Variants in BCL2 observed in about 807,000 individuals in gnomAD.
BCL2 encodes BCL2 apoptosis regulator.
BCL2 carries 1 observed loss-of-function variant against 14.2 expected under a neutral mutation model. The ratio of observed to expected loss-of-function variants is 0.07; its 90% confidence interval spans 0.02 to 0.33. The LOEUF (loss-of-function observed/expected upper bound fraction) is 0.33, where lower values mean the gene tolerates loss of function less well. Among genes scored for constraint, BCL2 ranks in the 10% least tolerant of loss-of-function variants. The probability of loss-of-function intolerance (pLI) is 0.99; values close to 1 mark genes in which losing one functional copy is unlikely to be tolerated. For synonymous variants in BCL2, 151 were observed against 137.2 expected, an observed-to-expected ratio of 1.10 and a Z score of -0.70; for missense variants, 247 against 305.9, an observed-to-expected ratio of 0.81 and a Z score of 1.44.
chr18:63,286,342 A>G (rs1912473035), intron 2 of BCL2, among the ~76,000 whole-genome samples: 1 of 152,242 alleles, frequency 6.6e-6, no homozygotes, highest in South Asian at 2.1e-4. Context: ...TTATGATACA[A>G]AACCTATTGT....
chr18:63,225,610 C>T (rs962951255), intron 2 of BCL2, among the ~76,000 whole-genome samples: 11 of 152,198 alleles, frequency 7.2e-5, no homozygotes, highest in Non-Finnish European at 1.0e-4. Context: ...TTTCCCTGAA[C>T]GCTTCATGGG....
intron 2 of BCL2, among the ~76,000 whole-genome samples, chr18:63,303,923 A>C (rs552059206): frequency 6.6e-6 from 1 of 152,328 alleles, no homozygotes; most frequent in South Asian, 2.1e-4. Context: ...CATATTGTTC[A>C]TGGTAACTCA....
chr18:63,141,737 C>T (rs1442535812), intron 2 of BCL2, among the ~76,000 whole-genome samples: 3 of 152,256 alleles, frequency 2.0e-5, no homozygotes, highest in South Asian at 4.1e-4. Context: ...TGTGGCTCTC[C>T]TCCCCACCCC....
chr18:63,256,723 C>G (rs1214812912), intron 2 of BCL2, among the ~76,000 whole-genome samples: 1 of 152,116 alleles, frequency 6.6e-6, no homozygotes, highest in Non-Finnish European at 1.5e-5. Context: ...AGTTTAGGGT[C>G]ACAAAATAGG....
intron 2 of BCL2, among the ~76,000 whole-genome samples, chr18:63,146,087 G>C (rs1914504002): frequency 6.6e-6 from 1 of 151,848 alleles, no homozygotes; most frequent in African/African-American, 2.4e-5. Context: ...TTGCTTTCCT[G>C]TTCCCTCCTT....
rs190803023 is a variant in BCL2 at position 63,209,180 on chromosome 18, T to C, written c.586-80421A>G. Among the ~76,000 whole-genome samples, 17 of 152,324 alleles carry C rather than the reference T, an allele frequency of 1.1e-4. No homozygotes were observed. The East Asian group carries it at 3.3e-3, about 29-fold the overall frequency. On this transcript the variant is annotated intron_variant, in intron 2 of 2. Coordinates refer to ENST00000333681, the MANE Select transcript of BCL2 (RefSeq NM_000633.3). ...CCTTCGTCAAGGAGACCCGGCCTCC[T>C]CTTCATTCAAGGGCTTCTGGGTCGG...
At chr18:63,284,713 G>A (rs1286594916) in intron 2 of BCL2, among the ~76,000 whole-genome samples, 4 of 152,222 alleles carry the variant, frequency 2.6e-5, no homozygotes, top group African/African-American at 9.6e-5. Flanking sequence ...AACACCGCCA[G>A]GCTAGTAGGT....
At chr18:63,215,547 A>C (rs1474393834) in intron 2 of BCL2, among the ~76,000 whole-genome samples, 1 of 152,266 alleles carries the variant, frequency 6.6e-6, no homozygotes, top group African/African-American at 2.4e-5. Context: ...ACTACAAAAC[A>C]TTTGGTAAGA....
At chr18:63,296,405 G>A in intron 2 of BCL2, among the ~76,000 whole-genome samples, 1 of 151,906 alleles carries the variant, frequency 6.6e-6, no homozygotes, top group East Asian at 1.9e-4. Flanking sequence ...CAGCCTCAAG[G>A]GATCCTCCCA....
chr18:63,300,746 C>T (rs1022311560), intron 2 of BCL2, among the ~76,000 whole-genome samples: 6 of 152,136 alleles, frequency 3.9e-5, no homozygotes, highest in Admixed American at 6.5e-5. Flanking sequence ...TACGATCCAG[C>T]GAGAACTCCA....
At chr18:63,232,968 T>C (rs1019492868) in intron 2 of BCL2, among the ~76,000 whole-genome samples, 5 of 152,256 alleles carry the variant, frequency 3.3e-5, no homozygotes, top group African/African-American at 9.6e-5. Flanking sequence ...GGGTGACTTA[T>C]GTAACATTTA....
intron 2 of BCL2, among the ~76,000 whole-genome samples, chr18:63,179,033 G>A (rs1444323184): frequency 6.6e-6 from 1 of 152,030 alleles, no homozygotes; most frequent in Admixed American, 6.6e-5. Flanking sequence ...ATAAAATAAA[G>A]CAGTAAGGAT....
At chr18:63,271,712 T>C (rs920981276) in intron 2 of BCL2, among the ~76,000 whole-genome samples, 10 of 152,192 alleles carry the variant, frequency 6.6e-5, no homozygotes, top group African/African-American at 2.4e-4. Context: ...CCCTAGGCAA[T>C]GAATGGCTCA....
chr18:63,144,025 G>T (rs373215167), intron 2 of BCL2, among the ~76,000 whole-genome samples: 306 of 152,324 alleles, frequency 2.0e-3, no homozygotes, highest in African/African-American at 6.6e-3. Flanking sequence ...GTAGGAATAA[G>T]CTCAAGTTTG....
At chr18:63,229,266 T>C (rs1910626940) in intron 2 of BCL2, among the ~76,000 whole-genome samples, 1 of 152,230 alleles carries the variant, frequency 6.6e-6, no homozygotes, top group Non-Finnish European at 1.5e-5. Flanking sequence ...ATTCAATTTA[T>C]TATTTTAAAA....
At chr18:63,150,473 G>A (rs11876772) in intron 2 of BCL2, among the ~76,000 whole-genome samples, 89,683 of 152,036 alleles carry the variant, frequency 0.59, 27,218 homozygotes, top group African/African-American at 0.73. Context: ...GCTAACGTAC[G>A]TCTTCTCTTG....
chr18:63,197,764 C>T (rs1485956479), intron 2 of BCL2, among the ~76,000 whole-genome samples: 2 of 151,906 alleles, frequency 1.3e-5, no homozygotes, highest in African/African-American at 2.4e-5. Context: ...CTTTGCCAAT[C>T]GTCACCAAAT....
At chr18:63,209,229 T>C (rs1230150987) in intron 2 of BCL2, among the ~76,000 whole-genome samples, 1 of 152,184 alleles carries the variant, frequency 6.6e-6, no homozygotes, top group Non-Finnish European at 1.5e-5. Flanking sequence ...GTGTGTGAAT[T>C]GATCGAGGGG....
chr18:63,165,071 TAATAAATA>T (rs138982454), intron 2 of BCL2, among the ~76,000 whole-genome samples: 2 of 151,982 alleles, frequency 1.3e-5, no homozygotes, highest in African/African-American at 4.8e-5. Flanking sequence ...TAAAGTATAA[TAATAAATA>T]AATAAATAAA....
Sources: gnomAD v4.1 joint callset for allele counts (sites outside exome capture counted in the v4.1 genomes callset) on GRCh38, gnomAD v4.1.1 for gene constraint, MANE v1.5 for transcripts, NCBI Gene and HGNC (gene_info 2026-07-23, HGNC 2026-07-21) for gene names.